Variants in FAM221B observed in about 807,000 individuals in gnomAD.
FAM221B encodes the protein family with sequence similarity 221 member B.
A neutral mutation model predicts 39.8 loss-of-function variants in FAM221B; 35 were observed. The ratio of observed to expected loss-of-function variants is 0.88; its 90% CI spans 0.67 to 1.17. The LOEUF (loss-of-function observed/expected upper bound fraction) is 1.17. Ranked by LOEUF, FAM221B falls within the 50% of genes most tolerant of loss-of-function variation. The probability of loss-of-function intolerance (pLI) is 0.00; values close to 1 mark genes in which losing one functional copy is unlikely to be tolerated. For synonymous variants in FAM221B, 158 were observed against 178.1 expected (o/e 0.89, Z 0.90); for missense variants, 479 against 503.1 (o/e 0.95, Z 0.46).
chr9:35,828,508 T>C lies in FAM221B; in HGVS notation c.-46A>G. ...TGTTACAAGTCCTTAGGTCAAGACC[T>C]TGACTTAGGATGGCAGGGGGAGGTG... is the stretch of plus-strand genomic sequence containing the variant. On this transcript the variant is annotated 5_prime_UTR_variant, in exon 1 of 7. Coordinates refer to ENST00000423537, the MANE Select transcript of FAM221B (RefSeq NM_001012446.4). The surrounding 1 kb of genome is among the most constrained non-coding windows in gnomAD (Gnocchi z 4.5). The C allele has an allele frequency of 5.1e-6, 5 of 985,448 alleles. No individual in the cohort carries two copies. The highest frequency in any genetic ancestry group is 6.0e-6 in the Non-Finnish European group (5 of 829,966). The allele number at this position is 985,448 out of a possible 1,614,324, so 61.0% of individuals were successfully genotyped here.
chr9:35,825,473 G>C lies in FAM221B; in HGVS notation c.598+91C>G. On this transcript the variant is annotated intron_variant, in intron 2 of 6. Transcript: ENST00000423537. The surrounding 1 kb of genome is among the most constrained non-coding windows in gnomAD (Gnocchi z 4.2). ...AGTAACCCAGTCTCCTCCTCCTGGG[G>C]CAAGTCAAGGACAGTGAATAGTAGT... 6.3e-7 allele frequency: 1 copy of C among 1,582,774 alleles called. No individual in the cohort carries two copies. Among genetic ancestry groups the C allele is most frequent in the Non-Finnish European group, 8.6e-7 (1 of 1,159,138 alleles).
At chr9:35,820,118 G>A (rs1235689195) in intron 3 of FAM221B, 118 bp from the exon 4 acceptor site, 1 of 636,596 alleles carries the variant, frequency 1.6e-6, no homozygotes, top group African/African-American at 1.8e-5. Flanking sequence ...CCCACCCCCA[G>A]GTATCTTTAT....
At position 35,821,695 on chromosome 9, in the gene FAM221B, C is replaced by T. The variant is rs892816139; in HGVS notation, c.743-1695G>A. ...CAAAGATCAAGGCCTGCTCGGAGGG[C>T]CGGGGGGCAGTCAAGTCCAAGCACT... On this transcript the variant is annotated intron_variant, in intron 3 of 6. Transcript: ENST00000423537. 4 of 1,194,204 alleles carry T rather than the reference C, an allele frequency of 3.3e-6. No individual in the cohort carries two copies. In the African/African-American group the frequency reaches 6.2e-5, roughly 19 times the overall value. 74.0% of individuals were successfully genotyped at this position (1,194,204 alleles called of 1,614,324 possible).
In FAM221B at chr9:35,825,296, A is replaced by G. The variant is rs755351552; in HGVS notation, c.676T>C (p.Phe226Leu). 4 of 1,613,998 alleles carry G rather than the reference A, an allele frequency of 2.5e-6. No homozygotes were observed. In the East Asian group the frequency reaches 8.9e-5, roughly 36 times the overall value. The change falls in exon 3 of 7, where the codon TTT becomes CTT. Residue 226 changes from phenylalanine to leucine, a missense_variant. By Grantham distance (22) the Phe-to-Leu change is conservative (BLOSUM62 0). Transcript: ENST00000423537. This position sits in a 1 kb window ranked among gnomAD's most constrained non-coding sequence, Gnocchi z 4.2. ...AAAAGATTGTTCACTTGAGCACCAA[A>G]CTCCTCTCTATGCATTGCCTTAGCC... ...EVAKAMHREE[F>L]GAQVNNLFQW...
intron 3 of FAM221B, among the ~76,000 whole-genome samples, chr9:35,823,630 T>C (rs896018621): frequency 6.6e-6 from 1 of 151,552 alleles, no homozygotes; most frequent in African/African-American, 2.4e-5. Context: ...GAGTAGGGAG[T>C]AGACAGGAGG....
chr9:35,823,247 T>C (rs1041072449), intron 3 of FAM221B, among the ~76,000 whole-genome samples: 1 of 152,216 alleles, frequency 6.6e-6, no homozygotes, highest in Non-Finnish European at 1.5e-5. Flanking sequence ...ATAACCTTGA[T>C]TATAGCAATT....
chr9:35,822,934 C>G (rs947381348), intron 3 of FAM221B, among the ~76,000 whole-genome samples: 2 of 152,220 alleles, frequency 1.3e-5, no homozygotes, highest in African/African-American at 4.8e-5. Flanking sequence ...TAGTGACTCT[C>G]AGTTGCCCTC....
intron 3 of FAM221B, among the ~76,000 whole-genome samples, chr9:35,823,006 G>A (rs997951499): frequency 1.1e-4 from 16 of 152,192 alleles, no homozygotes; most frequent in Non-Finnish European, 2.2e-4. Context: ...CCCTTCTAGA[G>A]CAGAGTGGGC....
At chr9:35,821,535 C>T in intron 3 of FAM221B, 6 of 1,367,904 alleles carry the variant, frequency 4.4e-6, no homozygotes, top group Non-Finnish European at 5.9e-6. Flanking sequence ...TGCCCCCTTA[C>T]ACCAGGGAGG....
At position 35,818,878 on chromosome 9, in the gene FAM221B, T is replaced by A. The variant is rs1301104169; in HGVS notation, c.1171+12A>T. ...CCCTGGAATGGCCCCCTGTCCCAGG[T>A]TTCTGCCTCACCGCGAGGCCTTCCT... On this transcript the variant is annotated intron_variant, in intron 6 of 6. Transcript: ENST00000423537. 3 of 1,551,500 alleles carry A rather than the reference T, an allele frequency of 1.9e-6. No homozygotes were observed. The highest frequency in any genetic ancestry group is 2.6e-6 in the Non-Finnish European group (3 of 1,147,016).
At chr9:35,824,990 G>A (rs1006172374) in intron 3 of FAM221B, among the ~76,000 whole-genome samples, 1 of 152,148 alleles carries the variant, frequency 6.6e-6, no homozygotes, top group African/African-American at 2.4e-5. Flanking sequence ...CGACCCTTCT[G>A]TGTTTAATAA....
In FAM221B at chr9:35,819,296, G is replaced by T. The variant is rs1390122784; in HGVS notation, c.952C>A (p.Arg318=). The T allele has an allele frequency of 1.1e-5, 17 of 1,551,734 alleles. No individual in the cohort carries two copies. The highest frequency in any genetic ancestry group is 1.4e-5 in the Non-Finnish European group (16 of 1,146,996). The change falls in exon 5 of 7, where the codon CGG becomes AGG. Residue 318 remains arginine, a synonymous_variant. Transcript: ENST00000423537. ...CAGGCCTTGGGGTCAAAGGTGGCCC[G>T]TCTCTTGAGCCAGAACTCACCCACC... The part of the protein sequence containing the change: ...EEVGEFWLKR[R]ATFDPKAWRA...
chr9:35,826,145 A>G lies in FAM221B; in HGVS notation c.17T>C (p.Ile6Thr), dbSNP rs964983518. Residue 6 changes from isoleucine (I) to threonine (T), a missense_variant, in exon 2 of 7, where the codon ATC becomes ACC. Ile to Thr is a moderately conservative substitution (Grantham distance 89). Transcript: ENST00000423537. MEAHE[I>T]IEEPHITMDA... ...CATGGTGATATGAGGCTCTTCTATG[A>G]TCTCATGTGCTTCCATCTAGTGGTA... 1.9e-6 allele frequency: 3 copies of G among 1,589,938 alleles called. No homozygotes were observed. Among genetic ancestry groups the G allele is most frequent in the Non-Finnish European group, 2.6e-6 (3 of 1,170,532 alleles).
chr9:35,818,676 TC>T (rs1829067130), intron 6 of FAM221B, among the ~76,000 whole-genome samples, 170 bp from the exon 7 acceptor site: 1 of 152,140 alleles, frequency 6.6e-6, no homozygotes. Flanking sequence ...GAGGATGGCT[TC>T]TCGGAGCACA....
intron 1 of FAM221B, 82 bp from the exon 2 acceptor site, chr9:35,826,243 G>T: frequency 9.5e-7 from 1 of 1,049,774 alleles, no homozygotes; most frequent in Non-Finnish European, 1.4e-6. Flanking sequence ...GGTTCGCAGT[G>T]CATTATGGAA....
chr9:35,824,289 G>A (rs573579425), intron 3 of FAM221B, among the ~76,000 whole-genome samples: 1 of 152,276 alleles, frequency 6.6e-6, no homozygotes, highest in Non-Finnish European at 1.5e-5. Context: ...AATCCCTATA[G>A]ACATGAATTT....
Position 35,828,464 on chromosome 9 carries a change from C to T in FAM221B, c.-2G>A, listed in dbSNP as rs2132167729. On this transcript the variant is annotated splice_region_variant and 5_prime_UTR_variant, in exon 1 of 7. Coordinates refer to ENST00000423537, the MANE Select transcript of FAM221B (RefSeq NM_001012446.4). This position sits in a 1 kb window ranked among gnomAD's most constrained non-coding sequence, Gnocchi z 4.5. ...AGGGCCGTTGGAGAAACCACCTACC[C>T]TCTGGGCTTTGGCTTGGTTGTTACA... The T allele has an allele frequency of 1.0e-6, 1 of 985,396 alleles. No individual in the cohort carries two copies. Among genetic ancestry groups the T allele is most frequent in the Admixed American group, 6.1e-5 (1 of 16,272 alleles). The allele number at this position is 985,396 out of a possible 1,614,324, so 61.0% of individuals were successfully genotyped here. A position where few individuals can be genotyped will look rare whatever the true frequency, so the allele number is the denominator to read the frequency against.
At chr9:35,818,848 A>G in intron 6 of FAM221B, 42 bp downstream of exon 6, 3 of 1,549,820 alleles carry the variant, frequency 1.9e-6, no homozygotes, top group Middle Eastern at 1.8e-4. Flanking sequence ...CCTTCTGACT[A>G]CAGACCCTGG....
At chr9:35,821,682 C>T (rs976643885) in intron 3 of FAM221B, 224 of 1,313,644 alleles carry the variant, frequency 1.7e-4, no homozygotes, top group Non-Finnish European at 2.1e-4. Context: ...AAGATCAAGG[C>T]CTGCTCGGAG....
Sources: allele counts gnomAD v4.1 joint callset (sites outside exome capture counted in the v4.1 genomes callset), GRCh38; gene constraint gnomAD v4.1.1; non-coding constraint Gnocchi (gnomAD v3.1); transcripts MANE v1.5; gene names NCBI Gene and HGNC (gene_info 2026-07-23, HGNC 2026-07-21).